Variants in PHACTR3 observed in about 807,000 individuals in gnomAD.
The protein encoded by PHACTR3 is protein phosphatase 1, regulatory subunit 123.
Under a neutral mutation model 66.8 loss-of-function variants are expected in PHACTR3, and 16 were observed. The observed-to-expected ratio is 0.24, with a 90% CI of 0.16 to 0.36. The LOEUF (loss-of-function observed/expected upper bound fraction) is 0.36. Among genes scored for constraint, PHACTR3 ranks in the 10% least tolerant of loss-of-function variants. PHACTR3 has a pLI of 1.00. For missense variants in PHACTR3, 647 were observed against 719.9 expected (o/e 0.90, Z 1.16); for synonymous variants, 323 against 292.1 (o/e 1.11, Z -1.08).
intron 11 of PHACTR3, 54 bp downstream of exon 11, chr20:59,841,589 A>C: frequency 1.3e-6 from 2 of 1,556,248 alleles, no homozygotes; most frequent in South Asian, 2.4e-5. Context: ...TAAAGGCAAA[A>C]TATGTCATGC....
chr20:59,741,399 C>T (rs2039158614), intron 1 of PHACTR3, among the ~76,000 whole-genome samples: 1 of 152,210 alleles, frequency 6.6e-6, no homozygotes. Context: ...CTTCCTCCCC[C>T]AGCGACACTG....
Position 59,830,811 on chromosome 20 carries a change from C to T in PHACTR3, c.1329-5694C>T, listed in dbSNP as rs144266626. ...AGTAAGGGAGGGCGTGACGCCATCACCCAGCTGGCAGGGGTCAGAGCTGGA... is the reference window on the plus strand; with the variant it reads ...AGTAAGGGAGGGCGTGACGCCATCATCCAGCTGGCAGGGGTCAGAGCTGGA... On this transcript the variant is annotated intron_variant, in intron 8 of 12. Transcript: ENST00000371015. This position sits in a 1 kb window ranked among gnomAD's most constrained non-coding sequence, Gnocchi z 5.8. Among the ~76,000 whole-genome samples, 23 of 152,288 alleles carry T rather than the reference C, an allele frequency of 1.5e-4. No individual in the cohort carries two copies. The East Asian group carries it at 4.3e-3, about 28-fold the overall frequency.
At chr20:59,782,174 T>A (rs1468976156) in intron 7 of PHACTR3, among the ~76,000 whole-genome samples, 2 of 152,222 alleles carry the variant, frequency 1.3e-5, no homozygotes, top group Non-Finnish European at 2.9e-5. Flanking sequence ...TTCACACTGC[T>A]GATAAAAACA....
In PHACTR3 at chr20:59,736,355, C is replaced by T. The variant is rs2038943553; in HGVS notation, c.119-6752C>T. 1.3e-5 allele frequency among the ~76,000 whole-genome samples: 2 copies of T among 152,120 alleles called. No homozygotes were observed. The highest frequency in any genetic ancestry group is 4.1e-4 in the South Asian group (2 of 4,824). On this transcript the variant is annotated intron_variant, in intron 1 of 12. Transcript: ENST00000371015. The surrounding 1 kb of genome is among the most constrained non-coding windows in gnomAD (Gnocchi z 4.6). Reference sequence around the variant, plus strand: ...GTGTGAGAAGGCAGTTCCTCAGGAACTGCAGGGAGAGACGGGGAGAGAATT... The same window carrying T: ...GTGTGAGAAGGCAGTTCCTCAGGAATTGCAGGGAGAGACGGGGAGAGAATT...
At chr20:59,792,624 G>T (rs947222455) in intron 7 of PHACTR3, among the ~76,000 whole-genome samples, 2 of 152,036 alleles carry the variant, frequency 1.3e-5, no homozygotes, top group Non-Finnish European at 2.9e-5. Flanking sequence ...GGTGTGTTGT[G>T]GTGTCTTATT....
At chr20:59,809,335 G>A (rs571374597) in intron 8 of PHACTR3, among the ~76,000 whole-genome samples, 4 of 152,182 alleles carry the variant, frequency 2.6e-5, no homozygotes, top group Non-Finnish European at 4.4e-5. Flanking sequence ...CCTGCCGCTC[G>A]GCCTCTGCAT....
At chr20:59,725,272 A>G (rs907034372) in intron 1 of PHACTR3, among the ~76,000 whole-genome samples, 1 of 151,004 alleles carries the variant, frequency 6.6e-6, no homozygotes, top group Non-Finnish European at 1.5e-5. Context: ...CTGTGTGCTC[A>G]GGCAGCTGTG....
At chr20:59,578,690 G>T (rs2032784397) in intron 1 of PHACTR3, among the ~76,000 whole-genome samples, 1 of 152,198 alleles carries the variant, frequency 6.6e-6, no homozygotes, top group Non-Finnish European at 1.5e-5. Flanking sequence ...GGCGGTCATG[G>T]TGTAGTCCAC....
At chr20:59,711,664 C>T (rs2037918541) in intron 1 of PHACTR3, among the ~76,000 whole-genome samples, 1 of 152,158 alleles carries the variant, frequency 6.6e-6, no homozygotes, top group South Asian at 2.1e-4. Context: ...TCATCTACCA[C>T]AGCCTATTTT....
intron 11 of PHACTR3, chr20:59,843,684 TGAAGAA>T (rs2059103552): frequency 6.6e-6 from 1 of 151,860 alleles, no homozygotes; most frequent in African/African-American, 2.4e-5. Context: ...AAAATCAACT[TGAAGAA>T]TAAAGACTTA....
intron 1 of PHACTR3, among the ~76,000 whole-genome samples, chr20:59,668,652 T>A (rs2036081271): frequency 6.6e-6 from 1 of 152,226 alleles, no homozygotes; most frequent in Admixed American, 6.5e-5. Context: ...AAATGACATG[T>A]GCCTTAGATG....
chr20:59,845,744 G>GAGTA (rs1367582689), intron 12 of PHACTR3, among the ~76,000 whole-genome samples: 3 of 152,098 alleles, frequency 2.0e-5, no homozygotes, highest in Admixed American at 6.6e-5. Context: ...GTAAATATTT[G>GAGTA]AGTAAGTGCT....
chr20:59,625,270 C>A (rs753286752), intron 1 of PHACTR3, among the ~76,000 whole-genome samples: 1 of 151,920 alleles, frequency 6.6e-6, no homozygotes, highest in Non-Finnish European at 1.5e-5. Context: ...GAGGCAGGCC[C>A]CATTCCTGTT....
chr20:59,715,598 C>T (rs1345877784), intron 1 of PHACTR3, among the ~76,000 whole-genome samples: 1 of 152,166 alleles, frequency 6.6e-6, no homozygotes, highest in Non-Finnish European at 1.5e-5. Context: ...TAGTGATGCC[C>T]TTTTCTGGCT....
Position 59,695,734 on chromosome 20 carries a change from AT to A in PHACTR3, c.119-47361del, listed in dbSNP as rs11480385. Among the ~76,000 whole-genome samples the A allele has an allele frequency of 1.8e-3, 270 of 146,886 alleles. 2 individuals carry two copies. Among genetic ancestry groups the A allele is most frequent in the Admixed American group, 4.8e-3 (71 of 14,760 alleles). ...AGTATCTCTCTCCTAGAAGTTGTCT[AT>A]TTTTTTTTTTTATTTGAGATGGAGT... On this transcript the variant is annotated intron_variant, in intron 1 of 12. Coordinates refer to ENST00000371015, the MANE Select transcript of PHACTR3 (RefSeq NM_080672.5).
At chr20:59,691,538 T>C (rs2037105984) in intron 1 of PHACTR3, among the ~76,000 whole-genome samples, 2 of 152,206 alleles carry the variant, frequency 1.3e-5, no homozygotes, top group Admixed American at 1.3e-4. Context: ...CAAAGCCACA[T>C]TGTTTTAATT....
At chr20:59,634,299 G>A (rs1317780830) in intron 1 of PHACTR3, among the ~76,000 whole-genome samples, 1 of 152,204 alleles carries the variant, frequency 6.6e-6, no homozygotes, top group African/African-American at 2.4e-5. Context: ...CTGCACTTAG[G>A]TTGGTTACAT....
rs1262237330 is a variant in PHACTR3 at position 59,847,255 on chromosome 20, T to TCA, written c.*134_*135dup. 9 of 649,994 alleles carry TCA rather than the reference T, an allele frequency of 1.4e-5. No homozygotes were observed. Among genetic ancestry groups the TCA allele is most frequent in the Admixed American group, 9.8e-5 (4 of 40,954 alleles). The allele number at this position is 649,994 out of a possible 1,614,324, so 40.3% of individuals were successfully genotyped here. On this transcript the variant is annotated 3_prime_UTR_variant, in exon 13 of 13. Coordinates refer to ENST00000371015, the MANE Select transcript of PHACTR3 (RefSeq NM_080672.5). ...TGCTGTGTTTGTGAGAAGAGTAGGATCACACACACAGGTGCAATCTTGACC... is the reference window on the plus strand; with the variant it reads ...TGCTGTGTTTGTGAGAAGAGTAGGATCACACACACACAGGTGCAATCTTGACC...
At position 59,748,985 on chromosome 20, in the gene PHACTR3, A is replaced by G. The variant is rs546103941; in HGVS notation, c.358+1150A>G. ...TTGTTTCCTCTCTTTAGACTCGAAG[A>G]GTGAAGTATTTTGATGATGCTATTT... On this transcript the variant is annotated intron_variant, in intron 3 of 12. Coordinates refer to ENST00000371015, the MANE Select transcript of PHACTR3 (RefSeq NM_080672.5). Among the ~76,000 whole-genome samples the G allele has an allele frequency of 3.3e-5, 5 of 152,306 alleles. No individual in the cohort carries two copies. In the South Asian group the frequency reaches 1.0e-3, roughly 32 times the overall value.
Sources: allele counts gnomAD v4.1 joint callset (sites outside exome capture counted in the v4.1 genomes callset), GRCh38; gene constraint gnomAD v4.1.1; non-coding constraint Gnocchi (gnomAD v3.1); transcripts MANE v1.5; gene names NCBI Gene and HGNC (gene_info 2026-07-23, HGNC 2026-07-21).